Variants in PCDHGA5 observed in about 807,000 individuals in gnomAD.
PCDHGA5 encodes protocadherin gamma-A5.
PCDHGA5 carries 36 observed loss-of-function variants against 56.7 expected under a neutral mutation model. The observed-to-expected ratio is 0.64, with a 90% confidence interval of 0.49 to 0.84. The LOEUF (loss-of-function observed/expected upper bound fraction) is 0.84, where lower values mean the gene tolerates loss of function less well. Ranked by LOEUF, PCDHGA5 falls within the 40% of genes least tolerant of loss-of-function variation. The pLI is 0.00. For synonymous variants in PCDHGA5, 563 were observed against 520.2 expected, an observed-to-expected ratio of 1.08 and a Z score of -1.12; for missense variants, 1,305 against 1,201.5, an observed-to-expected ratio of 1.09 and a Z score of -1.27.
intron 1 of PCDHGA5, chr5:141,400,304 G>A (rs760976345): frequency 4.3e-6 from 7 of 1,613,930 alleles, no homozygotes; most frequent in African/African-American, 1.3e-5. Context: ...TTCCAACCTG[G>A]TCTCTGTGTC....
intron 1 of PCDHGA5, among the ~76,000 whole-genome samples, chr5:141,462,688 A>G (rs919098530): frequency 3.9e-5 from 6 of 152,126 alleles, no homozygotes; most frequent in African/African-American, 1.4e-4. Flanking sequence ...TTTTGAGCAC[A>G]TTTATAATGG....
chr5:141,453,721 A>G (rs373983847), intron 1 of PCDHGA5, among the ~76,000 whole-genome samples: 4 of 152,244 alleles, frequency 2.6e-5, no homozygotes, highest in East Asian at 1.9e-4. Flanking sequence ...CTATAAAAAT[A>G]TTTGTTACTA....
At chr5:141,385,413 G>T in intron 1 of PCDHGA5, 1 of 1,472,024 alleles carries the variant, frequency 6.8e-7, no homozygotes, top group South Asian at 1.5e-5. Context: ...TGAAAATAGG[G>T]ATTTAAAAAA....
chr5:141,427,839 G>T, intron 1 of PCDHGA5: 1 of 1,547,310 alleles, frequency 6.5e-7, no homozygotes, highest in Non-Finnish European at 8.8e-7. Flanking sequence ...GCGTGCCTTC[G>T]ACCACGAGCA....
intron 1 of PCDHGA5, chr5:141,374,263 G>A: frequency 6.2e-7 from 1 of 1,614,016 alleles, no homozygotes; most frequent in Non-Finnish European, 8.5e-7. Flanking sequence ...AGGAGTTGGC[G>A]GAGCACGGAG....
chr5:141,366,333 T>A lies in PCDHGA5; in HGVS notation c.2003T>A (p.Ile668Asn), dbSNP rs190728090. ...FTVTVAVADR[I>N]PDILADLGSI... ...GTCACCGTTGCCGTGGCCGACAGGA[T>A]CCCTGACATCCTGGCTGACCTAGGC... Residue 668 changes from isoleucine to asparagine, a missense_variant, in exon 1 of 4, where the codon ATC becomes AAC. Transcript: ENST00000518069. 44 of 1,613,876 alleles carry A rather than the reference T, an allele frequency of 2.7e-5. No homozygotes were observed. The East Asian group carries it at 9.6e-4, about 35-fold the overall frequency.
chr5:141,399,210 A>G, intron 1 of PCDHGA5: 2 of 1,613,974 alleles, frequency 1.2e-6, no homozygotes, highest in Non-Finnish European at 1.7e-6. Context: ...CTGGAACACT[A>G]ATTGCTTTGA....
intron 1 of PCDHGA5, chr5:141,419,581 C>T: frequency 6.2e-7 from 1 of 1,611,888 alleles, no homozygotes; most frequent in South Asian, 1.1e-5. Context: ...GCTCCGCGCT[C>T]TTCGACACAG....
At chr5:141,372,631 G>C (rs1768931705) in intron 1 of PCDHGA5, 1 of 1,613,884 alleles carries the variant, frequency 6.2e-7, no homozygotes, top group Non-Finnish European at 8.5e-7. Context: ...TACAGCGAAA[G>C]GACTTTGCCT....
At position 141,491,856 on chromosome 5, in the gene PCDHGA5, C is replaced by T; in HGVS notation, c.2422-2951C>T. 1.4e-6 allele frequency: 2 copies of T among 1,458,728 alleles called. No individual in the cohort carries two copies. Among genetic ancestry groups the T allele is most frequent in the Non-Finnish European group, 1.8e-6 (2 of 1,103,072 alleles). 90.4% of individuals were successfully genotyped at this position (1,458,728 alleles called of 1,614,324 possible). A position where few individuals can be genotyped will look rare whatever the true frequency, so the allele number is the denominator to read the frequency against. ...TCTCGGGATCATTGGACCGTTTGCG[C>T]GAAACCAGAGTGGCCGATTAAGGGA... On this transcript the variant is annotated intron_variant, in intron 1 of 3. Coordinates refer to ENST00000518069, the MANE Select transcript of PCDHGA5 (RefSeq NM_018918.3). The surrounding 1 kb of genome is among the most constrained non-coding windows in gnomAD (Gnocchi z 6.9).
Position 141,431,151 on chromosome 5 carries a change from C to A in PCDHGA5, c.2422-63656C>A, listed in dbSNP as rs764416448. On this transcript the variant is annotated intron_variant, in intron 1 of 3. Transcript: ENST00000518069. This position sits in a 1 kb window ranked among gnomAD's most constrained non-coding sequence, Gnocchi z 4.8. Reference sequence around the variant, plus strand: ...GTAAGGGACATTAACGACAATGCGCCTTACTTTCGTGAAAGTGAATTAGAA... The same window carrying A: ...GTAAGGGACATTAACGACAATGCGCATTACTTTCGTGAAAGTGAATTAGAA... 7.4e-6 allele frequency: 12 copies of A among 1,614,126 alleles called. No individual in the cohort carries two copies. Among genetic ancestry groups the A allele is most frequent in the Middle Eastern group, 1.6e-4 (1 of 6,084 alleles).
chr5:141,396,112 A>G (rs916569843), intron 1 of PCDHGA5: 4 of 152,232 alleles, frequency 2.6e-5, no homozygotes, highest in Non-Finnish European at 2.9e-5. Flanking sequence ...TTAAGAACCA[A>G]TGTTTCAGGT....
chr5:141,376,602 A>C, intron 1 of PCDHGA5: 1 of 1,521,112 alleles, frequency 6.6e-7, no homozygotes, highest in Non-Finnish European at 8.9e-7. Context: ...CTGTTATAGA[A>C]GCGAACCTCT....
chr5:141,368,302 A>G lies in PCDHGA5; in HGVS notation c.2421+1551A>G, dbSNP rs948478574. On this transcript the variant is annotated intron_variant, in intron 1 of 3. Transcript: ENST00000518069. The stretch of plus-strand genomic sequence containing the variant: ...ACCACTTGATTTTTATTTTTTAAAC[A>G]CTGTTAAAGAGCATTCAAGTATATC... 7.9e-5 allele frequency among the ~76,000 whole-genome samples: 12 copies of G among 152,282 alleles called. No individual in the cohort carries two copies. In the East Asian group the frequency reaches 2.3e-3, roughly 29 times the overall value.
At chr5:141,450,817 A>T (rs1302552522) in intron 1 of PCDHGA5, among the ~76,000 whole-genome samples, 1 of 137,468 alleles carries the variant, frequency 7.3e-6, no homozygotes, top group Non-Finnish European at 1.5e-5. Context: ...TTTATTTAAT[A>T]TTATTATTAT....
At chr5:141,424,357 G>A (rs1171882619) in intron 1 of PCDHGA5, 1 of 152,122 alleles carries the variant, frequency 6.6e-6, no homozygotes, top group Non-Finnish European at 1.5e-5. Context: ...ATAAAATTTA[G>A]ATCACATTTT....
intron 1 of PCDHGA5, chr5:141,383,945 T>G: frequency 6.2e-7 from 1 of 1,613,858 alleles, no homozygotes. Context: ...GAAGTGACTA[T>G]GACGTCTTTA....
At chr5:141,410,527 C>T (rs1398639610) in intron 1 of PCDHGA5, 1 of 1,613,920 alleles carries the variant, frequency 6.2e-7, no homozygotes, top group East Asian at 2.2e-5. Context: ...CCCTACATTC[C>T]AATGAAGACA....
chr5:141,419,549 T>C, intron 1 of PCDHGA5: 1 of 1,612,006 alleles, frequency 6.2e-7, no homozygotes, highest in Non-Finnish European at 8.5e-7. Context: ...GCGGGTGCTG[T>C]ACCCTGCGCT....
Sources: gnomAD v4.1 joint callset for allele counts (sites outside exome capture counted in the v4.1 genomes callset) on GRCh38, gnomAD v4.1.1 for gene constraint, Gnocchi (gnomAD v3.1) non-coding constraint, MANE v1.5 for transcripts, NCBI Gene and HGNC (gene_info 2026-07-23, HGNC 2026-07-21) for gene names.